GRIK3: variants seen among roughly 807,000 people sequenced by gnomAD.
The protein encoded by GRIK3 is glutamate ionotropic receptor kainate type subunit 3, also known as glutamate receptor ionotropic, kainate 3.
A neutral mutation model predicts 102.5 loss-of-function variants in GRIK3; 29 were observed. The observed-to-expected ratio is 0.28, with a 90% CI of 0.21 to 0.39. The LOEUF is 0.39. GRIK3 is among the 10% of genes least tolerant of loss of function. The pLI is 1.00. For missense variants in GRIK3, 908 were observed against 1,252.4 expected (o/e 0.73, Z 4.15); for synonymous variants, 511 against 504.9 (o/e 1.01, Z -0.16).
chr1:36,907,132 T>C (rs1570791770), intron 1 of GRIK3, among the ~76,000 whole-genome samples: 1 of 152,004 alleles, frequency 6.6e-6, no homozygotes, highest in Non-Finnish European at 1.5e-5. Context: ...GTTCTGGGGG[T>C]GGGCAGCGTT....
At chr1:36,980,185 CA>C (rs1367424353) in intron 1 of GRIK3, among the ~76,000 whole-genome samples, 8 of 152,166 alleles carry the variant, frequency 5.3e-5, no homozygotes, top group Non-Finnish European at 8.8e-5. Flanking sequence ...TTTAAAAATG[CA>C]AACCTGATCA....
At chr1:36,914,773 G>A (rs1641381393) in intron 1 of GRIK3, among the ~76,000 whole-genome samples, 1 of 152,190 alleles carries the variant, frequency 6.6e-6, no homozygotes, top group African/African-American at 2.4e-5. Context: ...TGATTCTGAG[G>A]CATCAGTGAC....
At chr1:36,955,618 A>G (rs1376701148) in intron 1 of GRIK3, among the ~76,000 whole-genome samples, 2 of 152,238 alleles carry the variant, frequency 1.3e-5, no homozygotes, top group African/African-American at 4.8e-5. Flanking sequence ...ACACAAGCAT[A>G]TCTGGACAGC....
intron 1 of GRIK3, among the ~76,000 whole-genome samples, chr1:37,017,968 T>G (rs1229536754): frequency 5.9e-5 from 9 of 152,186 alleles, no homozygotes. Flanking sequence ...CTGCCATTTT[T>G]TTCAGACTTT....
At chr1:36,954,225 T>G (rs919284586) in intron 1 of GRIK3, among the ~76,000 whole-genome samples, 26 of 152,208 alleles carry the variant, frequency 1.7e-4, no homozygotes, top group Non-Finnish European at 1.5e-4. Context: ...CTCACCTCTC[T>G]CTAGCACACC....
intron 10 of GRIK3, among the ~76,000 whole-genome samples, chr1:36,827,759 C>T (rs374675955): frequency 6.6e-6 from 1 of 152,146 alleles, no homozygotes; most frequent in East Asian, 1.9e-4. Flanking sequence ...ATCACAGCTT[C>T]TGGACAGCTC....
At position 36,830,880 on chromosome 1, in the gene GRIK3, C is replaced by T. The variant is rs556210786; in HGVS notation, c.1531-5054G>A. Among the ~76,000 whole-genome samples the T allele has an allele frequency of 2.0e-5, 3 of 149,980 alleles. No individual in the cohort carries two copies. In the East Asian group the frequency reaches 5.9e-4, roughly 29 times the overall value. ...TACACACAGAGAAGGCCATGTGATG[C>T]TGGAGGCAGAGACCGGAATAGCAGA... On this transcript the variant is annotated intron_variant, in intron 10 of 15. Transcript: ENST00000373091.
intron 1 of GRIK3, among the ~76,000 whole-genome samples, chr1:36,938,167 G>A (rs975921645): frequency 2.0e-5 from 3 of 152,206 alleles, no homozygotes; most frequent in Admixed American, 6.5e-5. Context: ...CAAGTGCTGA[G>A]GCTGAAGGGC....
chr1:36,994,178 A>G (rs1312702583), intron 1 of GRIK3, among the ~76,000 whole-genome samples: 1 of 152,088 alleles, frequency 6.6e-6, no homozygotes, highest in Non-Finnish European at 1.5e-5. Flanking sequence ...CCCCTTTTCC[A>G]TTCTCAGTTC....
intron 1 of GRIK3, among the ~76,000 whole-genome samples, chr1:37,024,742 CAAAA>C (rs11314211): frequency 1.4e-5 from 1 of 71,044 alleles, no homozygotes; most frequent in Non-Finnish European, 2.7e-5. Flanking sequence ...GACTCCATCT[CAAAA>C]AAAAAAAAAA....
intron 5 of GRIK3, among the ~76,000 whole-genome samples, chr1:36,865,366 G>A (rs1303205186): frequency 1.3e-5 from 2 of 152,146 alleles, no homozygotes; most frequent in African/African-American, 4.8e-5. Flanking sequence ...GCGAAGAGTT[G>A]GTGATGTGGG....
intron 1 of GRIK3, among the ~76,000 whole-genome samples, chr1:36,891,521 C>T (rs1230834382): frequency 2.0e-5 from 3 of 152,172 alleles, no homozygotes; most frequent in Non-Finnish European, 4.4e-5. Flanking sequence ...ATATAATCAA[C>T]TCACAAAATG....
chr1:37,033,097 T>A (rs1430805595), intron 1 of GRIK3, among the ~76,000 whole-genome samples: 3 of 152,086 alleles, frequency 2.0e-5, no homozygotes, highest in Non-Finnish European at 4.4e-5. Context: ...GCCCTGCCGG[T>A]CGTCGGCCCG....
chr1:36,889,507 T>G (rs866151344), intron 2 of GRIK3, among the ~76,000 whole-genome samples: 2 of 151,980 alleles, frequency 1.3e-5, no homozygotes, highest in African/African-American at 4.8e-5. Context: ...ATCCAAGAAT[T>G]TAAGAAAGCA....
At chr1:36,802,132 C>T (rs781533973) in intron 15 of GRIK3, 87 bp from the exon 16 acceptor site, 20 of 948,450 alleles carry the variant, frequency 2.1e-5, no homozygotes, top group Non-Finnish European at 3.0e-5. Flanking sequence ...CCCCTTTCTC[C>T]CAGAGTCTGT....
chr1:36,860,862 G>C (rs933087890), intron 5 of GRIK3, among the ~76,000 whole-genome samples: 2 of 152,196 alleles, frequency 1.3e-5, no homozygotes, highest in Non-Finnish European at 2.9e-5. Flanking sequence ...AAGGGTAGCG[G>C]TGCGTTTTTC....
intron 1 of GRIK3, among the ~76,000 whole-genome samples, chr1:37,008,786 T>A (rs1642558197): frequency 1.3e-5 from 2 of 152,232 alleles, no homozygotes; most frequent in Admixed American, 1.3e-4. Context: ...TCTGACATAC[T>A]GATTTCTGAG....
At chr1:36,900,446 A>C (rs1641222431) in intron 1 of GRIK3, among the ~76,000 whole-genome samples, 1 of 152,174 alleles carries the variant, frequency 6.6e-6, no homozygotes, top group Admixed American at 6.6e-5. Flanking sequence ...AGCTTAAACA[A>C]TGTACTTCCA....
At chr1:36,812,163 G>T (rs947254276) in intron 13 of GRIK3, among the ~76,000 whole-genome samples, 1 of 152,052 alleles carries the variant, frequency 6.6e-6, no homozygotes, top group Non-Finnish European at 1.5e-5. Flanking sequence ...CTCAAGGAAG[G>T]GTCTGTCATG....
Sources: allele counts gnomAD v4.1 joint callset (sites outside exome capture counted in the v4.1 genomes callset), GRCh38; gene constraint gnomAD v4.1.1; transcripts MANE v1.5; gene names NCBI Gene and HGNC (gene_info 2026-07-23, HGNC 2026-07-21).